The following CCDC117 variants were observed in gnomAD, a reference collection of about 807,000 sequenced individuals.
CCDC117 encodes coiled-coil domain containing 117, also known as coiled-coil domain-containing protein 117.
Under a neutral mutation model 23.5 loss-of-function variants are expected in CCDC117, and 1 was observed. The ratio of observed to expected loss-of-function variants is 0.04; its 90% CI spans 0.02 to 0.20. The LOEUF is 0.20. Ranked by LOEUF, CCDC117 falls within the 10% of genes least tolerant of loss-of-function variation. CCDC117 has a pLI of 1.00. For missense variants in CCDC117, 383 were observed against 348.2 expected (o/e 1.10, Z -0.80); for synonymous variants, 132 against 124.8 (o/e 1.06, Z -0.39).
chr22:28,782,099 G>C (rs1201873103), intron 3 of CCDC117, among the ~76,000 whole-genome samples: 1 of 151,602 alleles, frequency 6.6e-6, no homozygotes, highest in African/African-American at 2.4e-5. Flanking sequence ...CACCACCCCT[G>C]GCTAATCTTC....
chr22:28,774,076 T>G (rs200810616), intron 2 of CCDC117, among the ~76,000 whole-genome samples: 36 of 119,360 alleles, frequency 3.0e-4, no homozygotes, highest in East Asian at 7.5e-4. Flanking sequence ...TTTTGTTTTT[T>G]TTTTTTTTTG....
chr22:28,774,929 T>C (rs2031119634), intron 2 of CCDC117, among the ~76,000 whole-genome samples: 1 of 152,162 alleles, frequency 6.6e-6, no homozygotes, highest in African/African-American at 2.4e-5. Flanking sequence ...GCTTGTTGCA[T>C]ATCAGCACAT....
chr22:28,785,558 T>C (rs1025759865), intron 4 of CCDC117, among the ~76,000 whole-genome samples: 1 of 152,184 alleles, frequency 6.6e-6, no homozygotes, highest in Admixed American at 6.6e-5. Flanking sequence ...GTCCAGTGTT[T>C]CCTTTTCATT....
chr22:28,773,830 C>T lies in CCDC117; in HGVS notation c.239+52C>T, dbSNP rs768409324. ...TCTGTGGTCACCGTTAGTTGAACCCCTGTTATAGTCTAAATTACTTAAGTG... is the reference window on the plus strand; with the variant it reads ...TCTGTGGTCACCGTTAGTTGAACCCTTGTTATAGTCTAAATTACTTAAGTG... On this transcript the variant is annotated intron_variant, in intron 2 of 4. Transcript: ENST00000249064. 18 of 1,352,604 alleles carry T rather than the reference C, an allele frequency of 1.3e-5. No individual in the cohort carries two copies. The South Asian group carries it at 1.6e-4, about 12-fold the overall frequency. The allele number at this position is 1,352,604 out of a possible 1,614,324, so 83.8% of individuals were successfully genotyped here. A position where few individuals can be genotyped will look rare whatever the true frequency, so the allele number is the denominator to read the frequency against.
intron 1 of CCDC117, chr22:28,773,462 C>A: frequency 1.9e-6 from 1 of 514,432 alleles, no homozygotes; most frequent in Non-Finnish European, 3.5e-6. Context: ...AGCGCCTGCC[C>A]CGAGGACGTT....
chr22:28,779,277 C>T (rs1025838074), intron 2 of CCDC117, among the ~76,000 whole-genome samples: 1 of 152,158 alleles, frequency 6.6e-6, no homozygotes, highest in Non-Finnish European at 1.5e-5. Context: ...TCTTGGCTCA[C>T]TGCAACCTCC....
Position 28,789,165 on chromosome 22 carries a change from G to A in CCDC117, c.*2839G>A, listed in dbSNP as rs577820898. On this transcript the variant is annotated 3_prime_UTR_variant, in exon 5 of 5. Coordinates refer to ENST00000249064, the MANE Select transcript of CCDC117 (RefSeq NM_173510.4). ...TATTTTGGATTTGGAACTTGGCTTT[G>A]TTTTTCAATAGTGACAAGAATGGTT... 12 of 152,208 alleles carry A rather than the reference G, an allele frequency of 7.9e-5. No homozygotes were observed. In the South Asian group the frequency reaches 2.3e-3, roughly 29 times the overall value. 9.4% of individuals were successfully genotyped at this position (152,208 alleles called of 1,614,324 possible). A position where few individuals can be genotyped will look rare whatever the true frequency, so the allele number is the denominator to read the frequency against.
chr22:28,783,292 C>T (rs773878650), intron 3 of CCDC117, among the ~76,000 whole-genome samples: 22 of 152,066 alleles, frequency 1.4e-4, no homozygotes, highest in African/African-American at 2.4e-4. Context: ...CTGCCCGCCT[C>T]GGCCTCCCAA....
chr22:28,777,123 C>T (rs945463575), intron 2 of CCDC117, among the ~76,000 whole-genome samples: 1 of 149,760 alleles, frequency 6.7e-6, no homozygotes, highest in African/African-American at 2.5e-5. Flanking sequence ...GGCACAACCT[C>T]TGCCTCCCGT....
Position 28,772,950 on chromosome 22 carries a change from C to CG in CCDC117, c.106dup (p.Ala36GlyfsTer2). 8.3e-7 allele frequency: 1 copy of CG among 1,210,980 alleles called. No homozygotes were observed. Among genetic ancestry groups the CG allele is most frequent in the Non-Finnish European group, 1.0e-6 (1 of 974,218 alleles). 75.0% of individuals were successfully genotyped at this position (1,210,980 alleles called of 1,614,324 possible). Reference sequence around the variant, plus strand: ...GCCTTCCCCGGCCGGGCCTTCCCGCCGGGGGCTGACGGCGCCGAGTTGGCC... The same window carrying CG: ...GCCTTCCCCGGCCGGGCCTTCCCGCCGGGGGGCTGACGGCGCCGAGTTGGCC... On this transcript the variant is annotated frameshift_variant, in exon 1 of 5. Coordinates refer to ENST00000249064, the MANE Select transcript of CCDC117 (RefSeq NM_173510.4). LOFTEE classifies it high-confidence loss of function.
chr22:28,786,102 A>G lies in CCDC117; in HGVS notation c.616A>G (p.Met206Val), dbSNP rs769031781. ...KMIESMSRPS[M>V]ELVLWKPLPE... Reference sequence around the variant, plus strand: ...TTTATGTCTTAGGAGCCGTCCTTCCATGGAGCTTGTTCTCTGGAAACCCCT... The same window carrying G: ...TTTATGTCTTAGGAGCCGTCCTTCCGTGGAGCTTGTTCTCTGGAAACCCCT... Residue 206 changes from methionine (M) to valine (V), a missense_variant, in exon 5 of 5, where the codon ATG (methionine) becomes GTG (valine). By Grantham distance (21) the Met-to-Val change is conservative. Transcript: ENST00000249064. 1.2e-6 allele frequency: 2 copies of G among 1,607,110 alleles called. No individual in the cohort carries two copies. The highest frequency in any genetic ancestry group is 1.7e-6 in the Non-Finnish European group (2 of 1,178,274).
At chr22:28,781,739 G>A (rs2031343074) in intron 3 of CCDC117, among the ~76,000 whole-genome samples, 1 of 151,990 alleles carries the variant, frequency 6.6e-6, no homozygotes, top group African/African-American at 2.4e-5. Context: ...CACCTCCCGG[G>A]TTCAAGTGAT....
intron 2 of CCDC117, among the ~76,000 whole-genome samples, chr22:28,774,391 T>A (rs1310979466): frequency 6.7e-6 from 1 of 148,474 alleles, no homozygotes. Context: ...TTTTTTTTTT[T>A]AAAGTCAGGG....
intron 3 of CCDC117, 108 bp downstream of exon 3, chr22:28,781,280 T>G: frequency 1.7e-6 from 1 of 582,768 alleles, no homozygotes; most frequent in Non-Finnish European, 3.2e-6. Context: ...CCTTAGCCTC[T>G]CAGAAAGACT....
At chr22:28,773,998 T>A (rs2031081845) in intron 2 of CCDC117, among the ~76,000 whole-genome samples, 1 of 152,228 alleles carries the variant, frequency 6.6e-6, no homozygotes, top group African/African-American at 2.4e-5. Flanking sequence ...ATATTTGGAT[T>A]TTGAGCCATG....
rs572274798 is a variant in CCDC117, at chr22:28,773,026, G to A, written c.177G>A (p.Ala59=). ...AVPSSPAGSA[A]RGRVSVHCKK... Reference sequence around the variant, plus strand: ...CTAGCAGTCCCGCTGGGAGTGCGGCGCGCGGACGGTGAGGAGCCCGTCGGG... The same window carrying A: ...CTAGCAGTCCCGCTGGGAGTGCGGCACGCGGACGGTGAGGAGCCCGTCGGG... The change falls in exon 1 of 5, where the codon GCG becomes GCA. Residue 59 remains alanine, a synonymous_variant. Transcript: ENST00000249064. The A allele has an allele frequency of 1.3e-3, 1,570 of 1,178,108 alleles. 15 individuals carry two copies. In the African/African-American group the frequency reaches 0.02, roughly 15 times the overall value. The allele number at this position is 1,178,108 out of a possible 1,614,324, so 73.0% of individuals were successfully genotyped here. A position where few individuals can be genotyped will look rare whatever the true frequency, so the allele number is the denominator to read the frequency against.
At chr22:28,783,841 G>T (rs867261813) in intron 4 of CCDC117, among the ~76,000 whole-genome samples, 196 bp downstream of exon 4, 1 of 152,138 alleles carries the variant, frequency 6.6e-6, no homozygotes, top group African/African-American at 2.4e-5. Flanking sequence ...GGAAGTGGCT[G>T]CCTTGCCTAC....
At position 28,781,347 on chromosome 22, in the gene CCDC117, T is replaced by G. The variant is rs1246964974; in HGVS notation, c.464+175T>G. ...GTTTTTTTGTTTTGTTTTTTTTTTT[T>G]TTTTTTTTTTTTTTTTTTTTTGAGA... On this transcript the variant is annotated intron_variant, in intron 3 of 4. Coordinates refer to ENST00000249064, the MANE Select transcript of CCDC117 (RefSeq NM_173510.4). Among the ~76,000 whole-genome samples, 3 of 8,728 alleles carry G rather than the reference T, an allele frequency of 3.4e-4. 1 individual carries two copies. The highest frequency in any genetic ancestry group is 5.1e-4 in the Non-Finnish European group (3 of 5,920). The allele number at this position is 8,728 out of a possible 152,430, so 5.7% of individuals were successfully genotyped here. A position where few individuals can be genotyped will look rare whatever the true frequency, so the allele number is the denominator to read the frequency against.
At chr22:28,779,878 T>C (rs1051171275) in intron 2 of CCDC117, among the ~76,000 whole-genome samples, 3 of 152,246 alleles carry the variant, frequency 2.0e-5, no homozygotes, top group Non-Finnish European at 4.4e-5. Flanking sequence ...TAAAGTACTT[T>C]TGGTCTACGT....
Sources: allele counts gnomAD v4.1 joint callset (sites outside exome capture counted in the v4.1 genomes callset), GRCh38; gene constraint gnomAD v4.1.1; transcripts MANE v1.5; gene names NCBI Gene and HGNC (gene_info 2026-07-23, HGNC 2026-07-21).